CFAP90: variants seen among roughly 807,000 people sequenced by gnomAD.
CFAP90 encodes cilia and flagella associated protein 90.
chr5:7,832,613 G>A, the CFAP90 span, among the ~76,000 whole-genome samples: 11 of 152,010 alleles, frequency 7.2e-5, no homozygotes, highest in Non-Finnish European at 1.5e-4. Context: ...TCAGCCTCCC[G>A]AGTAGCTGGG....
chr5:7,846,350 G>A, the CFAP90 span, among the ~76,000 whole-genome samples: 1 of 152,144 alleles, frequency 6.6e-6, no homozygotes, highest in African/African-American at 2.4e-5. Flanking sequence ...ATACCCATAC[G>A]CTGGGTGATT....
chr5:7,845,124 G>A, the CFAP90 span, among the ~76,000 whole-genome samples: 1 of 152,122 alleles, frequency 6.6e-6, no homozygotes, highest in African/African-American at 2.4e-5. Context: ...CAGAGAGAGA[G>A]CAAAGAGGGA....
chr5:7,830,804 C>A, the CFAP90 span: 1 of 152,180 alleles, frequency 6.6e-6, no homozygotes, highest in Non-Finnish European at 1.5e-5. Context: ...ATGATTTCTT[C>A]CAAGGGATCC....
the CFAP90 span, chr5:7,831,715 G>C: frequency 9.4e-4 from 780 of 826,316 alleles, 7 homozygotes; most frequent in East Asian, 0.018. Flanking sequence ...TCCCACTGTA[G>C]AGATGCAACA....
At chr5:7,834,946 G>A in the CFAP90 span, among the ~76,000 whole-genome samples, 22 of 152,054 alleles carry the variant, frequency 1.4e-4, no homozygotes, top group African/African-American at 4.3e-4. Context: ...CATACACCCC[G>A]CACCAAACAC....
At chr5:7,842,325 AAC>A in the CFAP90 span, among the ~76,000 whole-genome samples, 4 of 151,702 alleles carry the variant, frequency 2.6e-5, no homozygotes, top group Admixed American at 6.6e-5. Context: ...AAAAAAAAAA[AAC>A]AACAGAAAAA....
the CFAP90 span, among the ~76,000 whole-genome samples, chr5:7,838,483 CA>C: frequency 2.0e-5 from 3 of 152,160 alleles, no homozygotes; most frequent in East Asian, 5.8e-4. Flanking sequence ...ACAGGAAGCC[CA>C]AGTATACCAC....
chr5:7,839,331 G>A, the CFAP90 span, among the ~76,000 whole-genome samples: 5 of 152,264 alleles, frequency 3.3e-5, no homozygotes, highest in South Asian at 4.2e-4. Flanking sequence ...TGGATGGCAC[G>A]AACAGCAGGG....
At chr5:7,833,642 C>T in the CFAP90 span, among the ~76,000 whole-genome samples, 2 of 152,046 alleles carry the variant, frequency 1.3e-5, no homozygotes, top group South Asian at 2.1e-4. Context: ...TATACATACA[C>T]ACATGTACAC....
the CFAP90 span, chr5:7,835,481 G>C: frequency 6.3e-7 from 1 of 1,579,340 alleles, no homozygotes; most frequent in South Asian, 1.1e-5. Context: ...TACAATCATA[G>C]AGGGAAATAA....
the CFAP90 span, among the ~76,000 whole-genome samples, chr5:7,837,968 T>G: frequency 1.3e-5 from 2 of 152,178 alleles, no homozygotes; most frequent in Non-Finnish European, 2.9e-5. Flanking sequence ...CAAGCATCTC[T>G]TATTATTGTC....
the CFAP90 span, chr5:7,831,723 A>C: frequency 1.1e-6 from 1 of 914,968 alleles, no homozygotes; most frequent in Non-Finnish European, 1.7e-6. Flanking sequence ...TAGAGATGCA[A>C]CACAGGCATA....
the CFAP90 span, among the ~76,000 whole-genome samples, chr5:7,847,575 A>C: frequency 6.6e-6 from 1 of 152,176 alleles, no homozygotes; most frequent in African/African-American, 2.4e-5. Context: ...GTGTGAGACT[A>C]TGTTCTAGGA....
chr5:7,839,866 T>C, the CFAP90 span, among the ~76,000 whole-genome samples: 3 of 152,202 alleles, frequency 2.0e-5, no homozygotes, highest in Admixed American at 6.5e-5. Flanking sequence ...AAAAAATAAA[T>C]TCATCAGCAG....
At chr5:7,847,944 T>C in the CFAP90 span, among the ~76,000 whole-genome samples, 2 of 152,226 alleles carry the variant, frequency 1.3e-5, no homozygotes, top group East Asian at 3.8e-4. Context: ...CCAATGTTTT[T>C]ATTCTGTCCA....
chr5:7,833,810 A>G, the CFAP90 span, among the ~76,000 whole-genome samples: 3 of 152,194 alleles, frequency 2.0e-5, no homozygotes, highest in Admixed American at 6.5e-5. Context: ...TGAAAATGTC[A>G]AAACCTAATA....
the CFAP90 span, chr5:7,830,959 G>C: frequency 6.6e-6 from 1 of 152,208 alleles, no homozygotes; most frequent in African/African-American, 2.4e-5. Context: ...TGATGACGGG[G>C]CACTGGGTGG....
chr5:7,850,960 G>A, the CFAP90 span: 2 of 1,330,364 alleles, frequency 1.5e-6, no homozygotes, highest in Non-Finnish European at 1.9e-6. Context: ...CGCCGAGACG[G>A]GCGGCGGCCT....
the CFAP90 span, among the ~76,000 whole-genome samples, chr5:7,842,801 C>A: frequency 2.6e-5 from 4 of 152,162 alleles, no homozygotes; most frequent in Non-Finnish European, 5.9e-5. Context: ...AGAAAAAAAT[C>A]TGATTTGTAG....
Sources: allele counts gnomAD v4.1 joint callset (sites outside exome capture counted in the v4.1 genomes callset), GRCh38; gene constraint gnomAD v4.1.1; transcripts MANE v1.5; gene names NCBI Gene and HGNC (gene_info 2026-07-23, HGNC 2026-07-21).